Variants in HGF observed in about 807,000 individuals in gnomAD.
HGF encodes fibroblast-derived tumor cytotoxic factor.
Under a neutral mutation model 111.6 loss-of-function variants are expected in HGF, and 39 were observed. That is an observed-to-expected ratio of 0.35 (90% CI 0.27 to 0.46). The LOEUF is 0.46. Ranked by LOEUF, HGF falls within the 20% of genes least tolerant of loss-of-function variation. The pLI, the probability that HGF is intolerant of heterozygous loss-of-function variation, is 1.00. For synonymous variants in HGF, 285 were observed against 294.8 expected, an observed-to-expected ratio of 0.97 and a Z score of 0.34; for missense variants, 735 against 910.5, an observed-to-expected ratio of 0.81 and a Z score of 2.48.
At chr7:81,703,388 A>G (rs1336406691) in intron 17 of HGF, among the ~76,000 whole-genome samples, 1 of 150,976 alleles carries the variant, frequency 6.6e-6, no homozygotes, top group East Asian at 1.9e-4. Context: ...AGTAGTTAAT[A>G]TAGTTATAGT....
chr7:81,721,300 T>C (rs1025928711), intron 9 of HGF, among the ~76,000 whole-genome samples: 1 of 152,138 alleles, frequency 6.6e-6, no homozygotes, highest in East Asian at 1.9e-4. Context: ...AAATCAAAAA[T>C]ACTCAAATAT....
Position 81,758,728 on chromosome 7 carries a change from C to CT in HGF, c.330dup (p.Glu111ArgfsTer5), listed in dbSNP as rs1186073562. 6.2e-7 allele frequency: 1 copy of CT among 1,612,702 alleles called. No homozygotes were observed. The highest frequency in any genetic ancestry group is 1.7e-5 in the Admixed American group (1 of 59,976). On this transcript the variant is annotated frameshift_variant, in exon 3 of 18. Transcript: ENST00000222390. LOFTEE classifies it high-confidence loss of function. ...TAGAGGTCAAATTCATGGCCAAATT[C>CT]TTTTTTCACTCCACTTGACATGCTA...
chr7:81,716,425 T>C (rs1789714020), intron 11 of HGF, among the ~76,000 whole-genome samples: 1 of 152,208 alleles, frequency 6.6e-6, no homozygotes, highest in Non-Finnish European at 1.5e-5. Context: ...AGGTCCTCAC[T>C]AATACTGGAT....
chr7:81,766,222 G>T (rs955271652), intron 1 of HGF, among the ~76,000 whole-genome samples: 1 of 152,108 alleles, frequency 6.6e-6, no homozygotes, highest in Non-Finnish European at 1.5e-5. Context: ...TCTTCTCTGT[G>T]TGGACTAACC....
At chr7:81,729,447 A>T (rs1457694561) in intron 8 of HGF, among the ~76,000 whole-genome samples, 158 bp downstream of exon 8, 1 of 152,198 alleles carries the variant, frequency 6.6e-6, no homozygotes, top group Non-Finnish European at 1.5e-5. Context: ...TAAGAGAATC[A>T]AAATCTCTGA....
intron 5 of HGF, 106 bp downstream of exon 5, chr7:81,752,014 C>T (rs1788528315): frequency 6.5e-7 from 1 of 1,539,458 alleles, no homozygotes; most frequent in Non-Finnish European, 8.7e-7. Context: ...TTTGCACGAA[C>T]AACATATTTG....
chr7:81,760,548 T>C (rs1361890788), intron 2 of HGF, among the ~76,000 whole-genome samples: 1 of 152,226 alleles, frequency 6.6e-6, no homozygotes, highest in African/African-American at 2.4e-5. Context: ...TTATGTTTTA[T>C]ATAACATGTC....
At chr7:81,769,791 A>C in intron 1 of HGF, 93 bp downstream of exon 1, 2 of 904,110 alleles carry the variant, frequency 2.2e-6, no homozygotes, top group South Asian at 1.4e-5. Flanking sequence ...GATGCTGGGA[A>C]TAGGGTAAAA....
chr7:81,729,462 A>T (rs1436513481), intron 8 of HGF, 143 bp downstream of exon 8: 17 of 704,300 alleles, frequency 2.4e-5, no homozygotes, highest in Non-Finnish European at 4.4e-5. Flanking sequence ...CTCTGAGTGG[A>T]GGTGTAATCT....
At chr7:81,711,090 T>C (rs1236882253) in intron 12 of HGF, among the ~76,000 whole-genome samples, 3 of 152,182 alleles carry the variant, frequency 2.0e-5, no homozygotes, top group Non-Finnish European at 4.4e-5. Context: ...TAGAGTAGAA[T>C]AGAGGCACTG....
At chr7:81,746,872 A>G (rs1017586191) in intron 5 of HGF, among the ~76,000 whole-genome samples, 10 of 152,148 alleles carry the variant, frequency 6.6e-5, no homozygotes, top group South Asian at 4.1e-4. Flanking sequence ...TGGCAGATCA[A>G]TGCTTGTTCA....
At chr7:81,759,768 T>C (rs139100917) in intron 2 of HGF, among the ~76,000 whole-genome samples, 148 of 152,292 alleles carry the variant, frequency 9.7e-4, no homozygotes, top group African/African-American at 3.4e-3. Context: ...CCTCCCAAAG[T>C]GCTAAGCATT....
chr7:81,713,103 G>T (rs998077068), intron 11 of HGF, among the ~76,000 whole-genome samples: 1 of 152,106 alleles, frequency 6.6e-6, no homozygotes, highest in Non-Finnish European at 1.5e-5. Flanking sequence ...TTCTTATTTT[G>T]TGAGGAGAAA....
At chr7:81,765,884 A>G (rs1449879716) in intron 1 of HGF, among the ~76,000 whole-genome samples, 1 of 152,128 alleles carries the variant, frequency 6.6e-6, no homozygotes, top group Non-Finnish European at 1.5e-5. Flanking sequence ...TTTCCCTACT[A>G]TTTTTTGTGC....
chr7:81,726,159 A>G, intron 8 of HGF, 142 bp from the exon 9 acceptor site: 1 of 793,732 alleles, frequency 1.3e-6, no homozygotes, highest in Non-Finnish European at 2.2e-6. Context: ...AGCTATAACA[A>G]TTTAATATTC....
intron 1 of HGF, among the ~76,000 whole-genome samples, chr7:81,768,402 T>A (rs1789466731): frequency 6.6e-6 from 1 of 152,122 alleles, no homozygotes; most frequent in Admixed American, 6.5e-5. Context: ...CTTCTTGAGA[T>A]GGAGTCTTGC....
chr7:81,720,879 T>A (rs938840700), intron 9 of HGF, 32 bp from the exon 10 acceptor site: 1 of 1,127,060 alleles, frequency 8.9e-7, no homozygotes, highest in Admixed American at 1.7e-5. Flanking sequence ...ATAAGTCCAA[T>A]GAATATCAAG....
At chr7:81,718,087 C>A (rs1789760671) in intron 10 of HGF, among the ~76,000 whole-genome samples, 1 of 152,116 alleles carries the variant, frequency 6.6e-6, no homozygotes, top group Admixed American at 6.6e-5. Flanking sequence ...TTTGACTGAT[C>A]ATAAAAGTCA....
chr7:81,719,004 G>A (rs976781189), intron 10 of HGF, among the ~76,000 whole-genome samples: 1 of 151,938 alleles, frequency 6.6e-6, no homozygotes, highest in Non-Finnish European at 1.5e-5. Flanking sequence ...ATAAAATTTA[G>A]ATTTCTTAAC....
Sources: allele counts gnomAD v4.1 joint callset (sites outside exome capture counted in the v4.1 genomes callset), GRCh38; gene constraint gnomAD v4.1.1; transcripts MANE v1.5; gene names NCBI Gene and HGNC (gene_info 2026-07-23, HGNC 2026-07-21).